Variants in ZNF572 observed in about 807,000 individuals in gnomAD.
ZNF572 encodes the protein zinc finger protein 572.
In ZNF572, 2 loss-of-function variants were observed where a neutral mutation model predicts 3.8. The observed-to-expected ratio is 0.52, with a 90% CI of 0.21 to 1.65. The LOEUF (loss-of-function observed/expected upper bound fraction) is 1.65, where lower values mean the gene tolerates loss of function less well. Ranked by LOEUF, ZNF572 falls within the 40% of genes most tolerant of loss-of-function variation. ZNF572 has a pLI of 0.20. For synonymous variants in ZNF572, 187 were observed against 204.5 expected (o/e 0.91, Z 0.73); for missense variants, 581 against 633.4 (o/e 0.92, Z 0.89).
In ZNF572 at chr8:124,976,758, G is replaced by C; in HGVS notation, c.490G>C (p.Glu164Gln). 1 of 1,614,190 alleles carries C rather than the reference G, an allele frequency of 6.2e-7. No homozygotes were observed. Among genetic ancestry groups the C allele is most frequent in the Non-Finnish European group, 8.5e-7 (1 of 1,180,026 alleles). The change falls in exon 3 of 3, where the codon GAG (glutamate) becomes CAG (glutamine). Residue 164 changes from glutamate to glutamine, a missense_variant. Glu to Gln is a conservative substitution (Grantham distance 29). Transcript: ENST00000319286. ...AGGAGAAAAGCCTTATAAATGCTCT[G>C]AGTGTGCAAAATGTTTTTGTAACAG... Reference protein sequence around the residue: ...HSGEKPYKCSECAKCFCNSSH... With the variant: ...HSGEKPYKCSQCAKCFCNSSH...
Position 124,977,158 on chromosome 8 carries a change from A to G in ZNF572, c.890A>G (p.Glu297Gly). The G allele has an allele frequency of 1.2e-6, 2 of 1,609,486 alleles. No homozygotes were observed. Among genetic ancestry groups the G allele is most frequent in the African/African-American group, 1.3e-5 (1 of 75,070 alleles). The part of the protein sequence containing the change: ...LIRHQRTHTG[E>G]KPYKCLECEK... Reference sequence around the variant, plus strand: ...CGCCACCAGCGGACACACACAGGTGAGAAGCCCTACAAATGTCTTGAGTGT... The same window carrying G: ...CGCCACCAGCGGACACACACAGGTGGGAAGCCCTACAAATGTCTTGAGTGT... Residue 297 changes from glutamate (E) to glycine (G), a missense_variant, in exon 3 of 3, where the codon GAG becomes GGG. Transcript: ENST00000319286.
chr8:124,976,718 C>T lies in ZNF572; in HGVS notation c.450C>T (p.His150=), dbSNP rs1313424933. The T allele has an allele frequency of 6.2e-7, 1 of 1,614,170 alleles. No homozygotes were observed. The highest frequency in any genetic ancestry group is 1.1e-5 in the South Asian group (1 of 91,080). The change falls in exon 3 of 3, where the codon CAC becomes CAT. Residue 150 remains histidine, a synonymous_variant. Coordinates refer to ENST00000319286, the MANE Select transcript of ZNF572 (RefSeq NM_152412.3). ...SFSNSSHLRT[H]QRTHSGEKPY... Reference sequence around the variant, plus strand: ...GTAATAGTTCTCATTTGCGTACTCACCAGAGGACCCACTCAGGAGAAAAGC... The same window carrying T: ...GTAATAGTTCTCATTTGCGTACTCATCAGAGGACCCACTCAGGAGAAAAGC...
At position 124,977,795 on chromosome 8, in the gene ZNF572, GAA is replaced by G; in HGVS notation, c.1531_1532del (p.Asn511LeufsTer42). The G allele has an allele frequency of 1.9e-6, 3 of 1,613,182 alleles. No individual in the cohort carries two copies. The highest frequency in any genetic ancestry group is 2.5e-6 in the Non-Finnish European group (3 of 1,179,376). On this transcript the variant is annotated frameshift_variant, in exon 3 of 3. Transcript: ENST00000319286. LOFTEE classifies it high-confidence loss of function. ...VGDFPHEWTW[K>X]NCSGEMPFIS... ...GGGATTTTCCTCATGAATGGACTTG[GAA>G]AAACTGTTCAGGGGAAATGCCCTTC...
At position 124,975,608 on chromosome 8, in the gene ZNF572, T is replaced by C; in HGVS notation, c.-33T>C. On this transcript the variant is annotated splice_region_variant and 5_prime_UTR_variant, in exon 2 of 3. Coordinates refer to ENST00000319286, the MANE Select transcript of ZNF572 (RefSeq NM_152412.3). ...ACATAATTTATTTCCTTCCACAGGG[T>C]TTCTGATCTCTAACTTGGCTGTGAT... 6.4e-7 allele frequency: 1 copy of C among 1,559,942 alleles called. No individual in the cohort carries two copies. Among genetic ancestry groups the C allele is most frequent in the South Asian group, 1.1e-5 (1 of 89,846 alleles).
intron 1 of ZNF572, 96 bp from the exon 2 acceptor site, chr8:124,975,510 C>T: frequency 7.2e-6 from 5 of 691,706 alleles, no homozygotes; most frequent in Non-Finnish European, 1.3e-5. Flanking sequence ...ATGGAACATT[C>T]TATGCCTCCT....
In ZNF572 at chr8:124,977,423, ATGT is replaced by A; in HGVS notation, c.1159_1161del (p.Cys387del). 1 of 1,614,080 alleles carries A rather than the reference ATGT, an allele frequency of 6.2e-7. No homozygotes were observed. The highest frequency in any genetic ancestry group is 8.5e-7 in the Non-Finnish European group (1 of 1,179,998). ...TCCAGTTAGGAGAGAAACCATATAG[ATGT>A]TGTGAATGTGGGAAGAGTTTTGGCC... On this transcript the variant is annotated inframe_deletion, in exon 3 of 3. Coordinates refer to ENST00000319286, the MANE Select transcript of ZNF572 (RefSeq NM_152412.3).
Position 124,977,753 on chromosome 8 carries a change from T to C in ZNF572, c.1485T>C (p.Phe495=). The C allele has an allele frequency of 6.2e-7, 1 of 1,614,216 alleles. No individual in the cohort carries two copies. Among genetic ancestry groups the C allele is most frequent in the East Asian group, 2.2e-5 (1 of 44,880 alleles). The part of the protein sequence containing the change: ...QHRKIHVEKP[F]ESPDVGDFPH... Reference sequence around the variant, plus strand: ...GGAAAATTCACGTAGAAAAGCCTTTTGAGTCTCCCGACGTTGGGGATTTTC... The same window carrying C: ...GGAAAATTCACGTAGAAAAGCCTTTCGAGTCTCCCGACGTTGGGGATTTTC... The change falls in exon 3 of 3, where the codon TTT becomes TTC. Residue 495 remains phenylalanine, a synonymous_variant. Transcript: ENST00000319286.
Position 124,977,336 on chromosome 8 carries a change from T to C in ZNF572, c.1068T>C (p.Tyr356=), listed in dbSNP as rs760876458. The stretch of plus-strand genomic sequence containing the variant: ...AAATGCACACAGGAGAGAAATCCTA[T>C]GAAAGTTCTGAATATGAGGAAAGTT... ...HQKMHTGEKS[Y]ESSEYEESLG... is the part of the protein sequence containing the mutation. The change falls in exon 3 of 3, where the codon TAT becomes TAC. Residue 356 remains tyrosine (Y), a synonymous_variant. Transcript: ENST00000319286. 9.3e-6 allele frequency: 15 copies of C among 1,614,096 alleles called. No homozygotes were observed. Among genetic ancestry groups the C allele is most frequent in the Non-Finnish European group, 1.3e-5 (15 of 1,180,044 alleles).
chr8:124,977,313 A>G lies in ZNF572; in HGVS notation c.1045A>G (p.Met349Val), dbSNP rs1477757861. The change falls in exon 3 of 3, where the codon ATG (methionine) becomes GTG (valine). Residue 349 changes from methionine (M) to valine (V), a missense_variant. Physicochemically the swap from Met to Val is conservative, Grantham distance 21. Coordinates refer to ENST00000319286, the MANE Select transcript of ZNF572 (RefSeq NM_152412.3). ...RSSNLITHQK[M>V]HTGEKSYESS... Reference sequence around the variant, plus strand: ...TTCAAACCTTATTACACACCAGAAAATGCACACAGGAGAGAAATCCTATGA... The same window carrying G: ...TTCAAACCTTATTACACACCAGAAAGTGCACACAGGAGAGAAATCCTATGA... 1.9e-6 allele frequency: 3 copies of G among 1,614,224 alleles called. No individual in the cohort carries two copies. The highest frequency in any genetic ancestry group is 1.7e-6 in the Non-Finnish European group (2 of 1,180,048).
Position 124,977,135 on chromosome 8 carries a change from C to G in ZNF572, c.867C>G (p.Arg289=). ...KSFSQSSSLI[R]HQRTHTGEKP... ...TTAGTCAGAGTTCCAGCCTCATTCGCCACCAGCGGACACACACAGGTGAGA... is the reference window on the plus strand; with the variant it reads ...TTAGTCAGAGTTCCAGCCTCATTCGGCACCAGCGGACACACACAGGTGAGA... Residue 289 remains arginine (R), a synonymous_variant, in exon 3 of 3, where the codon CGC becomes CGG. Coordinates refer to ENST00000319286, the MANE Select transcript of ZNF572 (RefSeq NM_152412.3). The G allele has an allele frequency of 6.2e-7, 1 of 1,608,520 alleles. No individual in the cohort carries two copies. The highest frequency in any genetic ancestry group is 8.5e-7 in the Non-Finnish European group (1 of 1,179,924).
Position 124,976,444 on chromosome 8 carries a change from G to T in ZNF572, c.176G>T (p.Arg59Ile). Residue 59 changes from arginine (R) to isoleucine (I), a missense_variant, in exon 3 of 3, where the codon AGA becomes ATA. Arg to Ile is a moderately conservative substitution (Grantham distance 97). Coordinates refer to ENST00000319286, the MANE Select transcript of ZNF572 (RefSeq NM_152412.3). ...CCTTCAGAATGGTCTAAAAGACATA[G>T]ACCACAACATTATAAGCATGAGGAT... ...EKPSEWSKRH[R>I]PQHYKHEDAK... is the part of the protein sequence containing the mutation. 6.2e-7 allele frequency: 1 copy of T among 1,614,104 alleles called. No individual in the cohort carries two copies. The highest frequency in any genetic ancestry group is 8.5e-7 in the Non-Finnish European group (1 of 1,179,996).
At chr8:124,976,045 A>G (rs1814500981) in intron 2 of ZNF572, among the ~76,000 whole-genome samples, 2 of 152,162 alleles carry the variant, frequency 1.3e-5, no homozygotes, top group African/African-American at 4.8e-5. Flanking sequence ...ACTTCTATTC[A>G]CATCAATCCT....
intron 1 of ZNF572, among the ~76,000 whole-genome samples, chr8:124,974,550 A>G: frequency 6.6e-6 from 1 of 152,206 alleles, no homozygotes; most frequent in Middle Eastern, 3.2e-3. Flanking sequence ...TGTTTTTAAA[A>G]TGTGTGCATT....
rs749049095 is a variant in ZNF572, at chr8:124,977,562, A to C, written c.1294A>C (p.Arg432=). Residue 432 remains arginine (R), a synonymous_variant, in exon 3 of 3, where the codon AGG becomes CGG. Coordinates refer to ENST00000319286, the MANE Select transcript of ZNF572 (RefSeq NM_152412.3). ...GAGTTCCACCCTGGTGATTCACCAA[A>C]GGACACATACAGGAGAGAAACCTTA... ...SQSSTLVIHQ[R]THTGEKPYKC... 3.6e-5 allele frequency: 58 copies of C among 1,614,100 alleles called. No homozygotes were observed. Among genetic ancestry groups the C allele is most frequent in the Non-Finnish European group, 4.4e-5 (52 of 1,180,034 alleles).
In ZNF572 at chr8:124,977,700, A is replaced by G; in HGVS notation, c.1432A>G (p.Ser478Gly). The stretch of plus-strand genomic sequence containing the variant: ...ATGTACCAGCTGTGAGAAATGCTTC[A>G]GCAGAAGTGCCTACCTCAGTCAGCA... ...YKCTSCEKCF[S>G]RSAYLSQHRK... The change falls in exon 3 of 3, where the codon AGC becomes GGC. Residue 478 changes from serine (S) to glycine (G), a missense_variant. Physicochemically the swap from Ser to Gly is moderately conservative, Grantham distance 56 (BLOSUM62 0). Coordinates refer to ENST00000319286, the MANE Select transcript of ZNF572 (RefSeq NM_152412.3). 6.2e-7 allele frequency: 1 copy of G among 1,614,256 alleles called. No individual in the cohort carries two copies. The highest frequency in any genetic ancestry group is 8.5e-7 in the Non-Finnish European group (1 of 1,180,036).
At position 124,977,091 on chromosome 8, in the gene ZNF572, C is replaced by T; in HGVS notation, c.823C>T (p.Pro275Ser). The change falls in exon 3 of 3, where the codon CCT (proline) becomes TCT (serine). Residue 275 changes from proline to serine, a missense_variant. By Grantham distance (74) the Pro-to-Ser change is moderately conservative. Coordinates refer to ENST00000319286, the MANE Select transcript of ZNF572 (RefSeq NM_152412.3). ...THTGEKPYKC[P>S]DCGKSFSQSS... is the part of the protein sequence containing the mutation. The stretch of plus-strand genomic sequence containing the variant: ...CACTGGAGAAAAACCTTATAAGTGC[C>T]CTGATTGTGGGAAGAGTTTTAGTCA... 1 of 1,609,822 alleles carries T rather than the reference C, an allele frequency of 6.2e-7. No homozygotes were observed. The highest frequency in any genetic ancestry group is 8.5e-7 in the Non-Finnish European group (1 of 1,179,970).
rs757856081 is a variant in ZNF572 at position 124,977,740 on chromosome 8, T to C, written c.1472T>C (p.Val491Ala). Residue 491 changes from valine (V) to alanine (A), a missense_variant, in exon 3 of 3, where the codon GTA becomes GCA. Val to Ala is a moderately conservative substitution (Grantham distance 64, BLOSUM62 0). Coordinates refer to ENST00000319286, the MANE Select transcript of ZNF572 (RefSeq NM_152412.3). ...CTCAGTCAGCATCGGAAAATTCACG[T>C]AGAAAAGCCTTTTGAGTCTCCCGAC... is the stretch of plus-strand genomic sequence containing the variant. ...AYLSQHRKIHVEKPFESPDVG... is the reference protein window; with the variant it reads ...AYLSQHRKIHAEKPFESPDVG... 1 of 1,614,218 alleles carries C rather than the reference T, an allele frequency of 6.2e-7. No homozygotes were observed. The highest frequency in any genetic ancestry group is 1.1e-5 in the South Asian group (1 of 91,086).
Position 124,977,525 on chromosome 8 carries a change from A to G in ZNF572, c.1257A>G (p.Lys419=), listed in dbSNP as rs763547208. The G allele has an allele frequency of 5.0e-6, 8 of 1,614,218 alleles. No homozygotes were observed. The highest frequency in any genetic ancestry group is 3.3e-4 in the Middle Eastern group (2 of 6,062). Residue 419 remains lysine (K), a synonymous_variant, in exon 3 of 3, where the codon AAA becomes AAG. Coordinates refer to ENST00000319286, the MANE Select transcript of ZNF572 (RefSeq NM_152412.3). The part of the protein sequence containing the change: ...EKPYRCSECW[K]TFSQSSTLVI... ...CTTACAGATGTTCTGAGTGCTGGAA[A>G]ACTTTCAGTCAGAGTTCCACCCTGG...
chr8:124,975,279 A>C (rs1410990567), intron 1 of ZNF572, among the ~76,000 whole-genome samples: 2 of 152,244 alleles, frequency 1.3e-5, no homozygotes, highest in African/African-American at 2.4e-5. Flanking sequence ...TGTCTTAAAA[A>C]AAATACTTTG....
Sources: allele counts gnomAD v4.1 joint callset (sites outside exome capture counted in the v4.1 genomes callset), GRCh38; gene constraint gnomAD v4.1.1; transcripts MANE v1.5; gene names NCBI Gene and HGNC (gene_info 2026-07-23, HGNC 2026-07-21).